Variants in TMEM143 observed in about 807,000 individuals in gnomAD.
TMEM143 encodes the protein transmembrane protein 143.
A neutral mutation model predicts 40.3 loss-of-function variants in TMEM143; 45 were observed. That is an observed-to-expected ratio of 1.12 (90% CI 0.88 to 1.43). The LOEUF (loss-of-function observed/expected upper bound fraction) is 1.43, where lower values mean the gene tolerates loss of function less well. Among genes scored for constraint, TMEM143 ranks in the 40% most tolerant of loss-of-function variants. The pLI is 0.00. For synonymous variants in TMEM143, 299 were observed against 282.7 expected (o/e 1.06, Z -0.58); for missense variants, 620 against 613.4 (o/e 1.01, Z -0.11).
intron 3 of TMEM143, among the ~76,000 whole-genome samples, chr19:48,349,442 AAGACC>A (rs1405326460): frequency 6.6e-6 from 1 of 152,194 alleles, no homozygotes; most frequent in East Asian, 1.9e-4. Flanking sequence ...CCAGGAGTTC[AAGACC>A]AGCCTGAGCA....
At chr19:48,356,689 C>G (rs1969907871) in intron 3 of TMEM143, among the ~76,000 whole-genome samples, 1 of 151,260 alleles carries the variant, frequency 6.6e-6, no homozygotes, top group Non-Finnish European at 1.5e-5. Flanking sequence ...CCTCCTCCTC[C>G]CAGGTTCAAG....
In TMEM143 at chr19:48,363,915, T is replaced by G. The variant is rs754839865; in HGVS notation, c.6A>C (p.Thr2=). 3 of 1,613,746 alleles carry G rather than the reference T, an allele frequency of 1.9e-6. No individual in the cohort carries two copies. Among genetic ancestry groups the G allele is most frequent in the Admixed American group, 3.3e-5 (2 of 59,974 alleles). The change falls in exon 1 of 8, where the codon ACA becomes ACC. Residue 2 remains threonine (T), a synonymous_variant. Transcript: ENST00000293261. M[T]VELWLRLRGK... ...TCCCTCACCTTAGCCAAAGCTCGAC[T>G]GTCATTGAGCCTCCTGCGCATGTGC... is the stretch of plus-strand genomic sequence containing the variant.
intron 6 of TMEM143, among the ~76,000 whole-genome samples, chr19:48,340,502 C>T (rs530473045): frequency 1.3e-5 from 2 of 151,476 alleles, no homozygotes; most frequent in South Asian, 2.1e-4. Flanking sequence ...TGGGCTCAAG[C>T]GATCCTCCCA....
chr19:48,343,332 G>A lies in TMEM143; in HGVS notation c.684C>T (p.Pro228=), dbSNP rs529337664. 3 of 1,610,822 alleles carry A rather than the reference G, an allele frequency of 1.9e-6. No individual in the cohort carries two copies. Among genetic ancestry groups the A allele is most frequent in the Admixed American group, 3.3e-5 (2 of 59,850 alleles). Reference sequence around the variant, plus strand: ...AAGGGCCGCCTCACCTCTCCGCAGGGGGCAGCTTGGTGAAGAAGCCACGCC... The same window carrying A: ...AAGGGCCGCCTCACCTCTCCGCAGGAGGCAGCTTGGTGAAGAAGCCACGCC... ...GSRRGFFTKL[P]PAERRYFKRV... is the part of the protein sequence containing the mutation. Residue 228 remains proline, a synonymous_variant, in exon 5 of 8, where the codon CCC becomes CCT. Transcript: ENST00000293261.
chr19:48,351,315 G>C (rs916952350), intron 3 of TMEM143, among the ~76,000 whole-genome samples: 1 of 152,054 alleles, frequency 6.6e-6, no homozygotes, highest in Admixed American at 6.6e-5. Flanking sequence ...TTGGCAAATC[G>C]TGATGGTAAC....
Position 48,342,513 on chromosome 19 carries a change from G to A in TMEM143, c.975+17C>T, listed in dbSNP as rs755825011. 6.3e-7 allele frequency: 1 copy of A among 1,590,604 alleles called. No homozygotes were observed. The highest frequency in any genetic ancestry group is 8.5e-7 in the Non-Finnish European group (1 of 1,170,976). Reference sequence around the variant, plus strand: ...CACAGCGCAGGGCCGCAGGAGGCGTGGCAGGCGCATGCTCACCTTGGAGGC... The same window carrying A: ...CACAGCGCAGGGCCGCAGGAGGCGTAGCAGGCGCATGCTCACCTTGGAGGC... On this transcript the variant is annotated intron_variant, in intron 6 of 7. Coordinates refer to ENST00000293261, the MANE Select transcript of TMEM143 (RefSeq NM_018273.4).
At chr19:48,358,036 A>T (rs958507218) in intron 3 of TMEM143, among the ~76,000 whole-genome samples, 1 of 152,132 alleles carries the variant, frequency 6.6e-6, no homozygotes, top group Non-Finnish European at 1.5e-5. Flanking sequence ...GAATTCATCC[A>T]TGTAACCAAA....
chr19:48,345,624 A>AAT (rs537567489), intron 3 of TMEM143, among the ~76,000 whole-genome samples: 3,736 of 149,246 alleles, frequency 0.025, 68 homozygotes, highest in Non-Finnish European at 0.039. Context: ...ATGCCCGGGT[A>AAT]ATATATATAT....
At chr19:48,341,515 A>G (rs541721574) in intron 6 of TMEM143, among the ~76,000 whole-genome samples, 29 of 152,306 alleles carry the variant, frequency 1.9e-4, no homozygotes, top group African/African-American at 7.0e-4. Context: ...GGGACTTGGA[A>G]CAAACAGCCC....
At chr19:48,356,707 C>T (rs1184285581) in intron 3 of TMEM143, among the ~76,000 whole-genome samples, 1 of 151,026 alleles carries the variant, frequency 6.6e-6, no homozygotes, top group South Asian at 2.1e-4. Flanking sequence ...AAGCAATTCT[C>T]CTGCCTCAGC....
chr19:48,346,047 G>A (rs1350538254), intron 3 of TMEM143, among the ~76,000 whole-genome samples: 1 of 150,718 alleles, frequency 6.6e-6, no homozygotes, highest in Admixed American at 6.6e-5. Flanking sequence ...CTCCCAAAGT[G>A]CTGGGATTAC....
At chr19:48,358,721 G>A (rs971157131) in intron 3 of TMEM143, among the ~76,000 whole-genome samples, 2 of 152,018 alleles carry the variant, frequency 1.3e-5, no homozygotes, top group East Asian at 3.9e-4. Context: ...CTCTCCCCTA[G>A]ACAAATATAA....
At chr19:48,361,806 C>T (rs770804532) in intron 2 of TMEM143, among the ~76,000 whole-genome samples, 16 of 152,034 alleles carry the variant, frequency 1.1e-4, no homozygotes, top group Admixed American at 2.0e-4. Flanking sequence ...GGATTACAGG[C>T]GTGAGCCACC....
In TMEM143 at chr19:48,333,116, G is replaced by T. The variant is rs2147349630; in HGVS notation, c.*103C>A. 2 of 910,038 alleles carry T rather than the reference G, an allele frequency of 2.2e-6. No individual in the cohort carries two copies. Among genetic ancestry groups the T allele is most frequent in the Non-Finnish European group, 3.1e-6 (2 of 654,472 alleles). 56.4% of individuals were successfully genotyped at this position (910,038 alleles called of 1,614,324 possible). A position where few individuals can be genotyped will look rare whatever the true frequency, so the allele number is the denominator to read the frequency against. ...CAAAAATAATCACCTGTCAGTTATTGGAAGTTGGAGTGAAAAGTATAATAA... is the reference window on the plus strand; with the variant it reads ...CAAAAATAATCACCTGTCAGTTATTTGAAGTTGGAGTGAAAAGTATAATAA... On this transcript the variant is annotated 3_prime_UTR_variant, in exon 8 of 8. Coordinates refer to ENST00000293261, the MANE Select transcript of TMEM143 (RefSeq NM_018273.4). The surrounding 1 kb of genome is among the most constrained non-coding windows in gnomAD (Gnocchi z 4.1).
In TMEM143 at chr19:48,345,173, T is replaced by C. The variant is rs1969591957; in HGVS notation, c.551A>G (p.Gln184Arg). 1.9e-6 allele frequency: 3 copies of C among 1,613,316 alleles called. No individual in the cohort carries two copies. The highest frequency in any genetic ancestry group is 1.3e-5 in the African/African-American group (1 of 74,964). The change falls in exon 4 of 8, where the codon CAG becomes CGG. Residue 184 changes from glutamine (Q) to arginine (R), a missense_variant. Transcript: ENST00000293261. Reference sequence around the variant, plus strand: ...GGAGCCAAGTACCTGGACCTCATCCTGAGGGTGGTGGACCACCAGCGCGTA... The same window carrying C: ...GGAGCCAAGTACCTGGACCTCATCCCGAGGGTGGTGGACCACCAGCGCGTA... ...LAYALVVHHP[Q>R]DEVQVTVNLD...
intron 3 of TMEM143, chr19:48,359,840 C>A (rs1969998171): frequency 2.0e-6 from 1 of 496,436 alleles, no homozygotes; most frequent in Non-Finnish European, 3.6e-6. Flanking sequence ...TACTCCGCCT[C>A]ATTGTTCATG....
At chr19:48,345,397 C>T in intron 3 of TMEM143, 43 bp from the exon 4 acceptor site, 1 of 1,450,574 alleles carries the variant, frequency 6.9e-7, no homozygotes, top group South Asian at 1.4e-5. Flanking sequence ...TAGGTCTCTG[C>T]ATGAAGGATT....
intron 6 of TMEM143, among the ~76,000 whole-genome samples, chr19:48,340,416 C>A (rs1347044130): frequency 1.3e-5 from 2 of 152,070 alleles, no homozygotes; most frequent in South Asian, 2.1e-4. Flanking sequence ...TGAGCCATTG[C>A]GCCTGGCTGG....
chr19:48,363,778 G>A, intron 1 of TMEM143, 120 bp downstream of exon 1: 1 of 1,539,558 alleles, frequency 6.5e-7, no homozygotes, highest in Non-Finnish European at 9.0e-7. Flanking sequence ...GTGGTACAAC[G>A]TTTCTTTGGG....
Sources: gnomAD v4.1 joint callset for allele counts (sites outside exome capture counted in the v4.1 genomes callset) on GRCh38, gnomAD v4.1.1 for gene constraint, Gnocchi (gnomAD v3.1) non-coding constraint, MANE v1.5 for transcripts, NCBI Gene and HGNC (gene_info 2026-07-23, HGNC 2026-07-21) for gene names.